Variants in MCF2 observed in about 807,000 individuals in gnomAD.
The protein encoded by MCF2 is MCF.2 cell line derived transforming sequence, also known as proto-oncogene DBL.
In MCF2, 44 loss-of-function variants were observed where a neutral mutation model predicts 82.5. The ratio of observed to expected loss-of-function variants is 0.53; its 90% CI spans 0.42 to 0.69. MCF2 has a LOEUF of 0.69. Ranked by LOEUF, MCF2 falls within the 30% of genes least tolerant of loss-of-function variation. MCF2 has a pLI of 0.00. For missense variants in MCF2, 623 were observed against 663.1 expected (o/e 0.94, Z 0.66); for synonymous variants, 217 against 224.9 (o/e 0.96, Z 0.32).
At chrX:139,612,697 C>T (rs771202420) in intron 10 of MCF2, among the ~76,000 whole-genome samples, 1 of 111,700 alleles carries the variant, frequency 9.0e-6, no homozygotes, top group East Asian at 2.8e-4. Flanking sequence ...GTTATAATCC[C>T]TATTACTAAC....
At chrX:139,646,689 C>A (rs183961308), upstream of MCF2, 1 of 396,658 alleles carries the variant, frequency 2.5e-6, no homozygotes, top group Admixed American at 5.7e-5. Flanking sequence ...TGGTTATTCA[C>A]CATGATAATA....
chrX:139,691,367 CA>C (rs1005526018), intron 1 of MCF2, among the ~76,000 whole-genome samples: 5 of 109,591 alleles, frequency 4.6e-5, no homozygotes, highest in Admixed American at 9.7e-5. Flanking sequence ...AAAACAAAAA[CA>C]AAAAAAAATT....
At chrX:139,704,727 A>G (rs1935559701) in intron 1 of MCF2, among the ~76,000 whole-genome samples, 1 of 111,950 alleles carries the variant, frequency 8.9e-6, no homozygotes, top group Non-Finnish European at 1.9e-5. Flanking sequence ...CACTGATGAA[A>G]GAAATCAGGA....
chrX:139,692,979 G>A (rs183481494), intron 1 of MCF2, among the ~76,000 whole-genome samples: 1 of 112,166 alleles, frequency 8.9e-6, no homozygotes, highest in Non-Finnish European at 1.9e-5. Context: ...GACTTGACAC[G>A]CTTTAGAGAG....
upstream of MCF2, chrX:139,646,767 A>G (rs1933815838): frequency 1.1e-6 from 1 of 903,990 alleles, no homozygotes; most frequent in Non-Finnish European, 1.5e-6. Context: ...CGAATTGAAA[A>G]AAATGTAATG....
At chrX:139,597,559 A>G (rs1347651322) in exon 18 of MCF2, 1 of 1,162,910 alleles carries the variant, frequency 8.6e-7, no homozygotes, top group Non-Finnish European at 1.2e-6. Context: ...CAGATCCTTC[A>G]CAGTCTTTGC....
chrX:139,610,334 C>T, exon 11 of MCF2: 1 of 1,173,151 alleles, frequency 8.5e-7, no homozygotes, highest in Non-Finnish European at 1.2e-6. Context: ...TCCAAGTCTT[C>T]TTCCCTGGTA....
intron 16 of MCF2, among the ~76,000 whole-genome samples, chrX:139,599,023 G>C (rs1382247450): frequency 2.7e-5 from 3 of 109,915 alleles, no homozygotes; most frequent in Non-Finnish European, 3.8e-5. Context: ...ATGATGTTGG[G>C]TTCCGGGAAC....
chrX:139,619,677 G>T (rs925881773), exon 7 of MCF2: 24 of 1,179,607 alleles, frequency 2.0e-5, no homozygotes, highest in Non-Finnish European at 2.6e-5. Flanking sequence ...CTGCTTGTTG[G>T]TTTAATAGAA....
chrX:139,605,779 G>T (rs774431447), exon 13 of MCF2: 1 of 1,169,908 alleles, frequency 8.5e-7, no homozygotes, highest in Admixed American at 2.3e-5. Context: ...TTAGTACGTG[G>T]CTAAAATGAA....
Position 139,670,697 on chromosome X carries a change from T to G in MCF2, c.-44-18909A>C, listed in dbSNP as rs1343846247. Among the ~76,000 whole-genome samples, 68 of 112,241 alleles carry G rather than the reference T, an allele frequency of 6.1e-4. 2 individuals carry two copies. The Admixed American group carries it at 6.4e-3, about 11-fold the overall frequency. ...ATGGTGTACATGTGCCAAATTTTCT[T>G]AATCCAGTCTACCATTGATGGACAT... On this transcript the variant is annotated intron_variant, in intron 1 of 27. Coordinates refer to the MCF2 transcript ENST00000414978.
chrX:139,596,133 T>C (rs189787944), intron 19 of MCF2, among the ~76,000 whole-genome samples: 14 of 111,210 alleles, frequency 1.3e-4, no homozygotes, highest in African/African-American at 4.6e-4. Context: ...TTAAATTGCA[T>C]TGAGGAAAAG....
intron 1 of MCF2, among the ~76,000 whole-genome samples, chrX:139,681,240 A>G (rs1301684862): frequency 8.9e-6 from 1 of 112,524 alleles, no homozygotes; most frequent in Non-Finnish European, 1.9e-5. Flanking sequence ...GTACAAATGA[A>G]GACGTGATGA....
Position 139,605,842 on chromosome X carries a change from A to C in MCF2, c.1491-63T>G, listed in dbSNP as rs899756709. ...ACTGAGATCTATATTGCAATGTTTC[A>C]AGTATTATCATCATGAGAAGGTAAA... On this transcript the variant is annotated intron_variant, in intron 12 of 24. Transcript: ENST00000370576. The C allele has an allele frequency of 1.1e-5, 9 of 854,973 alleles. No individual in the cohort carries two copies. The African/African-American group carries it at 1.4e-4, about 14-fold the overall frequency. 70.5% of individuals were successfully genotyped at this position (854,973 alleles called of 1,213,427 possible).
At position 139,661,469 on chromosome X, in the gene MCF2, T is replaced by C. The variant is rs1007699133; in HGVS notation, c.-44-9681A>G. Among the ~76,000 whole-genome samples the C allele has an allele frequency of 3.6e-5, 4 of 111,652 alleles. No homozygotes were observed. In the East Asian group the frequency reaches 1.1e-3, roughly 31 times the overall value. ...TTAGCTACCAACTTTTGATATAACC[T>C]CAGGCAATTCACTGAAGATTCCCTA... is the stretch of plus-strand genomic sequence containing the variant. On this transcript the variant is annotated intron_variant, in intron 1 of 27. Coordinates refer to the MCF2 transcript ENST00000414978.
chrX:139,664,767 G>GA (rs1934461002), intron 1 of MCF2, among the ~76,000 whole-genome samples: 1 of 112,033 alleles, frequency 8.9e-6, no homozygotes, highest in Admixed American at 9.4e-5. Context: ...CATCACAGCT[G>GA]AAAAATGTGT....
intron 1 of MCF2, among the ~76,000 whole-genome samples, chrX:139,677,658 T>G (rs1362591008): frequency 3.6e-5 from 4 of 111,889 alleles, no homozygotes; most frequent in Non-Finnish European, 7.5e-5. Flanking sequence ...AAGCCATCTG[T>G]GGATGGGGTA....
chrX:139,626,149 C>G, intron 6 of MCF2, 44 bp downstream of exon 9: 1 of 836,264 alleles, frequency 1.2e-6, no homozygotes, highest in Non-Finnish European at 1.7e-6. Context: ...GTAAAAACCT[C>G]TGGTGTAATG....
At chrX:139,703,374 G>C (rs111531022) in intron 1 of MCF2, among the ~76,000 whole-genome samples, 27 of 111,330 alleles carry the variant, frequency 2.4e-4, no homozygotes, top group African/African-American at 8.8e-4. Flanking sequence ...AAAGATAAGA[G>C]ACATGAAGAA....
Sources: gnomAD v4.1 joint callset for allele counts (sites outside exome capture counted in the v4.1 genomes callset) on GRCh38, gnomAD v4.1.1 for gene constraint, MANE v1.5 for transcripts, NCBI Gene and HGNC (gene_info 2026-07-23, HGNC 2026-07-21) for gene names.